The following IDO2 variants were observed in gnomAD, a reference collection of about 807,000 sequenced individuals.
IDO2 encodes indoleamine 2,3-dioxygenase-like 1 protein.
A neutral mutation model predicts 45.1 loss-of-function variants in IDO2; 46 were observed. The observed-to-expected ratio is 1.02, with a 90% CI of 0.80 to 1.30. The LOEUF is 1.30. Ranked by LOEUF, IDO2 falls within the 50% of genes most tolerant of loss-of-function variation. IDO2 has a pLI of 0.00. For missense variants in IDO2, 544 were observed against 491.8 expected (o/e 1.11, Z -1.00); for synonymous variants, 218 against 184.9 (o/e 1.18, Z -1.45).
At chr8:40,009,154 A>G (rs1024453433) in intron 9 of IDO2, among the ~76,000 whole-genome samples, 4 of 152,124 alleles carry the variant, frequency 2.6e-5, no homozygotes, top group African/African-American at 4.8e-5. Flanking sequence ...AGCTGGGACT[A>G]CAGGCACCTG....
chr8:39,945,417 A>T (rs558376597), intron 1 of IDO2, among the ~76,000 whole-genome samples: 6 of 152,326 alleles, frequency 3.9e-5, no homozygotes, highest in African/African-American at 1.4e-4. Context: ...TGAGGTCAAA[A>T]GTGAAGGAGA....
intron 1 of IDO2, among the ~76,000 whole-genome samples, chr8:39,938,945 A>G (rs1807598194): frequency 6.6e-6 from 1 of 152,182 alleles, no homozygotes; most frequent in East Asian, 1.9e-4. Flanking sequence ...GCTGGTGAGG[A>G]TATGGTGCAG....
chr8:40,004,363 T>C (rs967318199), intron 8 of IDO2, among the ~76,000 whole-genome samples: 3 of 152,084 alleles, frequency 2.0e-5, no homozygotes, highest in South Asian at 4.1e-4. Flanking sequence ...GGTATGGAGA[T>C]GTTATTATTT....
intron 1 of IDO2, among the ~76,000 whole-genome samples, chr8:39,944,835 C>T (rs1248781009): frequency 6.6e-6 from 1 of 152,118 alleles, no homozygotes; most frequent in African/African-American, 2.4e-5. Flanking sequence ...TGAGCGATAG[C>T]CGTCTCTCGG....
chr8:39,976,736 C>T (rs138268486), intron 3 of IDO2, among the ~76,000 whole-genome samples: 1 of 152,094 alleles, frequency 6.6e-6, no homozygotes, highest in Non-Finnish European at 1.5e-5. Flanking sequence ...CAAACTGAGG[C>T]CAGAGACTGT....
intron 5 of IDO2, among the ~76,000 whole-genome samples, chr8:39,983,918 C>T (rs780623984): frequency 2.6e-5 from 4 of 151,972 alleles, no homozygotes; most frequent in Non-Finnish European, 4.4e-5. Context: ...TCTCATCTCT[C>T]TCGGGAGCTC....
intron 8 of IDO2, chr8:39,995,277 T>TTCTTCC (rs1802023314): frequency 7.8e-6 from 1 of 127,680 alleles, no homozygotes; most frequent in Admixed American, 8.4e-5. Context: ...CTTCTTCTTC[T>TTCTTCC]TCTTCTTCTT....
rs573414454 is a variant in IDO2 at position 39,979,673 on chromosome 8, G to A, written c.315+487G>A. Among the ~76,000 whole-genome samples the A allele has an allele frequency of 7.2e-5, 11 of 152,096 alleles. No homozygotes were observed. The East Asian group carries it at 2.1e-3, about 30-fold the overall frequency. On this transcript the variant is annotated intron_variant, in intron 4 of 10. Coordinates refer to ENST00000502986, the Ensembl canonical transcript of IDO2. ...CAGCCTGAAGGGCCATTTAAATGAA[G>A]GATTTTTTTATTTTAATTTTTCTGA...
chr8:40,014,564 A>C (rs1419177020), intron 10 of IDO2, among the ~76,000 whole-genome samples: 1 of 152,198 alleles, frequency 6.6e-6, no homozygotes, highest in Non-Finnish European at 1.5e-5. Flanking sequence ...AATTCACCAG[A>C]GTATTCAGCT....
At chr8:39,951,190 T>C (rs1807809448) in intron 2 of IDO2, among the ~76,000 whole-genome samples, 1 of 151,754 alleles carries the variant, frequency 6.6e-6, no homozygotes, top group South Asian at 2.1e-4. Flanking sequence ...TATTCTTTAA[T>C]CATAGTTAAA....
intron 2 of IDO2, among the ~76,000 whole-genome samples, chr8:39,954,649 C>CTTTTTTTTT (rs542016899): frequency 5.9e-5 from 5 of 84,716 alleles, no homozygotes; most frequent in Non-Finnish European, 6.6e-5. Flanking sequence ...GTCTCTCTCT[C>CTTTTTTTTT]TTTTTTTTTT....
At chr8:40,007,102 A>G (rs563806505) in intron 9 of IDO2, among the ~76,000 whole-genome samples, 1 of 151,956 alleles carries the variant, frequency 6.6e-6, no homozygotes, top group African/African-American at 2.4e-5. Flanking sequence ...AAACAGTGAA[A>G]AATGAAAGGT....
chr8:39,949,312 A>G, intron 2 of IDO2, 48 bp downstream of exon 2: 1 of 1,427,408 alleles, frequency 7.0e-7, no homozygotes, highest in Non-Finnish European at 9.5e-7. Flanking sequence ...GTTTCTTGAG[A>G]TGTTGGTTGG....
At chr8:39,968,796 G>A (rs770839182) in intron 3 of IDO2, among the ~76,000 whole-genome samples, 1 of 151,494 alleles carries the variant, frequency 6.6e-6, no homozygotes, top group African/African-American at 2.4e-5. Context: ...GTTGACAGGC[G>A]CAGCAAACCA....
intron 1 of IDO2, among the ~76,000 whole-genome samples, chr8:39,943,061 G>T (rs1255052572): frequency 6.6e-6 from 1 of 152,156 alleles, no homozygotes; most frequent in East Asian, 1.9e-4. Context: ...AGAGAATTGA[G>T]AATTTTTTAA....
chr8:39,987,920 T>C, exon 7 of IDO2: 1 of 1,612,052 alleles, frequency 6.2e-7, no homozygotes, highest in Non-Finnish European at 8.5e-7. Context: ...CCTGCATGGT[T>C]TTATACTGGT....
chr8:40,003,139 G>T (rs1427880625), intron 8 of IDO2, among the ~76,000 whole-genome samples: 1 of 152,050 alleles, frequency 6.6e-6, no homozygotes, highest in African/African-American at 2.4e-5. Flanking sequence ...GGAGGCCAAG[G>T]TGGGTGGATC....
At chr8:39,979,980 C>T (rs560144281) in intron 4 of IDO2, among the ~76,000 whole-genome samples, 75 of 152,248 alleles carry the variant, frequency 4.9e-4, no homozygotes, top group African/African-American at 1.8e-3. Flanking sequence ...TACCGCCACA[C>T]CCAGCTAATG....
chr8:39,961,386 G>A (rs1392475499), intron 2 of IDO2, among the ~76,000 whole-genome samples: 1 of 144,974 alleles, frequency 6.9e-6, no homozygotes, highest in Non-Finnish European at 1.5e-5. Flanking sequence ...GCAGTGGTAC[G>A]ATCTTGGCTC....
Sources: allele counts gnomAD v4.1 joint callset (sites outside exome capture counted in the v4.1 genomes callset), GRCh38; gene constraint gnomAD v4.1.1; transcripts MANE v1.5; gene names NCBI Gene and HGNC (gene_info 2026-07-23, HGNC 2026-07-21).